The following SCARA5 variants were observed in gnomAD, a reference collection of about 807,000 sequenced individuals.
The protein encoded by SCARA5 is scavenger receptor class A member 5.
In SCARA5, 45 loss-of-function variants were observed where a neutral mutation model predicts 46.3. That is an observed-to-expected ratio of 0.97 (90% CI 0.76 to 1.24). SCARA5 has a LOEUF of 1.24. Among genes scored for constraint, SCARA5 ranks in the 50% most tolerant of loss-of-function variants. SCARA5 has a pLI of 0.00. For missense variants in SCARA5, 680 were observed against 689.0 expected, an observed-to-expected ratio of 0.99 and a Z score of 0.15; for synonymous variants, 333 against 306.5, an observed-to-expected ratio of 1.09 and a Z score of -0.90.
At chr8:27,941,532 CTCATT>C (rs1172657970) in intron 3 of SCARA5, among the ~76,000 whole-genome samples, 3 of 152,056 alleles carry the variant, frequency 2.0e-5, no homozygotes, top group African/African-American at 7.2e-5. Context: ...CAGATATTAT[CTCATT>C]TGAGAAAATC....
intron 7 of SCARA5, among the ~76,000 whole-genome samples, chr8:27,889,332 C>A (rs141136020): frequency 6.6e-6 from 1 of 152,204 alleles, no homozygotes; most frequent in Non-Finnish European, 1.5e-5. Flanking sequence ...ATTATGACAT[C>A]ATCTTTGGGC....
chr8:27,922,033 C>G lies in SCARA5; in HGVS notation c.454G>C (p.Ala152Pro). Residue 152 changes from alanine (A) to proline (P), a missense_variant, in exon 4 of 9, where the codon GCG becomes CCG. Transcript: ENST00000354914. ...GCCTGCGCCTGCAGCCCCCACAGCGCGCCCTCCAGCCGCTGCACTGCGCCC... is the reference window on the plus strand; with the variant it reads ...GCCTGCGCCTGCAGCCCCCACAGCGGGCCCTCCAGCCGCTGCACTGCGCCC... ...LAGAVQRLEGALWGLQAQAVQ... is the reference protein window; with the variant it reads ...LAGAVQRLEGPLWGLQAQAVQ... 1 of 1,573,024 alleles carries G rather than the reference C, an allele frequency of 6.4e-7. No individual in the cohort carries two copies. Among genetic ancestry groups the G allele is most frequent in the South Asian group, 1.2e-5 (1 of 86,588 alleles).
intron 3 of SCARA5, among the ~76,000 whole-genome samples, chr8:27,925,338 T>A (rs1397039823): frequency 2.0e-5 from 3 of 152,034 alleles, no homozygotes; most frequent in Admixed American, 6.6e-5. Flanking sequence ...ACACCACACA[T>A]CTACAATCAT....
At position 27,966,502 on chromosome 8, in the gene SCARA5, C is replaced by A. The variant is rs774732820; in HGVS notation, c.153G>T (p.Gln51His). The change falls in exon 3 of 9, where the codon CAG becomes CAT. Residue 51 changes from glutamine to histidine, a missense_variant. By Grantham distance (24) the Gln-to-His change is conservative. Around this residue, in one of 3 missense-constraint regions of SCARA5, gnomAD observed 438 missense variants for 384.5 expected, o/e 1.14. Transcript: ENST00000354914. ...HKRRASICCT[Q>H]LGSLSALKHA... ...GCTTCAGGGCCGACAGGGACCCCAG[C>A]TGGGTACAGCAGATGCTTGCCCGCC... The A allele has an allele frequency of 1.2e-6, 2 of 1,613,894 alleles. No individual in the cohort carries two copies. The highest frequency in any genetic ancestry group is 1.7e-6 in the Non-Finnish European group (2 of 1,179,902).
At chr8:27,948,958 A>G (rs1283339093) in intron 3 of SCARA5, among the ~76,000 whole-genome samples, 1 of 152,278 alleles carries the variant, frequency 6.6e-6, no homozygotes, top group African/African-American at 2.4e-5. Flanking sequence ...AAAAACCCAC[A>G]TGGCCAGGCT....
chr8:27,980,649 C>T (rs1012682801), intron 2 of SCARA5, among the ~76,000 whole-genome samples: 2 of 152,216 alleles, frequency 1.3e-5, no homozygotes, highest in Non-Finnish European at 2.9e-5. Context: ...AGCCTCTACC[C>T]TGAGACAAGG....
chr8:27,984,803 C>T (rs1306368516), intron 2 of SCARA5, among the ~76,000 whole-genome samples: 1 of 152,094 alleles, frequency 6.6e-6, no homozygotes, highest in African/African-American at 2.4e-5. Context: ...ACCCATTCAT[C>T]CATCCATTCA....
Position 27,872,041 on chromosome 8 carries a change from C to A in SCARA5, c.1381G>T (p.Ala461Ser). The change falls in exon 9 of 9, where the codon GCC becomes TCC. Residue 461 changes from alanine (A) to serine (S), a missense_variant. Ala to Ser is a moderately conservative substitution (Grantham distance 99). Transcript: ENST00000354914. ...ATGGTTTCCTCTGTGCCCTTGCAGG[C>A]AACGTCATCCATCCAGATCCTCCCA... Reference protein sequence around the residue: ...GTGRIWMDDVACKGTEETIFR... With the variant: ...GTGRIWMDDVSCKGTEETIFR... The A allele has an allele frequency of 6.2e-7, 1 of 1,614,216 alleles. No individual in the cohort carries two copies.
intron 3 of SCARA5, among the ~76,000 whole-genome samples, chr8:27,947,723 A>AAG (rs1808060606): frequency 6.6e-6 from 1 of 151,890 alleles, no homozygotes; most frequent in East Asian, 1.9e-4. Flanking sequence ...AAAAAAAAAA[A>AAG]AAAAAGTCAG....
Position 27,966,458 on chromosome 8 carries a change from T to C in SCARA5, c.197A>G (p.Tyr66Cys), listed in dbSNP as rs778549396. The change falls in exon 3 of 9, where the codon TAC becomes TGC. Residue 66 changes from tyrosine (Y) to cysteine (C), a missense_variant. Around this residue, in one of 3 missense-constraint regions of SCARA5, gnomAD observed 438 missense variants for 384.5 expected, o/e 1.14. Transcript: ENST00000354914. ...CACAAGAATCAGGAAGACCAGCAGG[T>C]AGAGCCCCAGGACAGCATGCTTCAG... ...SALKHAVLGL[Y>C]LLVFLILVGI... 1 of 1,613,474 alleles carries C rather than the reference T, an allele frequency of 6.2e-7. No individual in the cohort carries two copies. The highest frequency in any genetic ancestry group is 8.5e-7 in the Non-Finnish European group (1 of 1,179,818).
intron 7 of SCARA5, among the ~76,000 whole-genome samples, chr8:27,882,579 C>G (rs753915532): frequency 6.6e-5 from 10 of 152,178 alleles, no homozygotes; most frequent in Non-Finnish European, 1.2e-4. Context: ...TTTGGTCATT[C>G]ATGTTCACTT....
intron 7 of SCARA5, chr8:27,903,672 G>A (rs1335142698): frequency 6.6e-6 from 1 of 152,448 alleles, no homozygotes; most frequent in African/African-American, 2.4e-5. Context: ...CTAATTATTA[G>A]TGGTGCTGTA....
intron 3 of SCARA5, among the ~76,000 whole-genome samples, chr8:27,924,085 T>C (rs1447132103): frequency 2.0e-5 from 3 of 152,302 alleles, no homozygotes; most frequent in South Asian, 2.1e-4. Flanking sequence ...ATGCTACAAA[T>C]CCTGAGTGGG....
chr8:27,884,980 G>A (rs1355053005), intron 7 of SCARA5, among the ~76,000 whole-genome samples: 2 of 152,046 alleles, frequency 1.3e-5, no homozygotes, highest in Non-Finnish European at 2.9e-5. Context: ...TCTTGGACAA[G>A]TGGAGGAGGG....
intron 3 of SCARA5, among the ~76,000 whole-genome samples, chr8:27,965,082 G>A (rs907419057): frequency 2.6e-5 from 4 of 152,106 alleles, no homozygotes; most frequent in African/African-American, 9.7e-5. Flanking sequence ...TGAATAATGA[G>A]GTTCTCTCGT....
intron 8 of SCARA5, among the ~76,000 whole-genome samples, chr8:27,878,916 T>A (rs1806765379): frequency 6.6e-6 from 1 of 152,138 alleles, no homozygotes; most frequent in Non-Finnish European, 1.5e-5. Context: ...TAGTGAGACC[T>A]CATCTCTATT....
intron 2 of SCARA5, among the ~76,000 whole-genome samples, chr8:27,970,148 G>A (rs961832471): frequency 9.2e-5 from 14 of 152,094 alleles, no homozygotes; most frequent in African/African-American, 2.9e-4. Context: ...GCCATGTCAT[G>A]AGCGCCCACA....
chr8:27,881,778 A>G (rs1450073264), intron 7 of SCARA5, among the ~76,000 whole-genome samples: 1 of 150,282 alleles, frequency 6.7e-6, no homozygotes, highest in South Asian at 2.1e-4. Flanking sequence ...TCCCATATAC[A>G]ACACCCCTCC....
intron 2 of SCARA5, among the ~76,000 whole-genome samples, chr8:27,977,420 A>C (rs1808542471): frequency 6.6e-6 from 1 of 152,122 alleles, no homozygotes; most frequent in Non-Finnish European, 1.5e-5. Context: ...TGCATCTGCC[A>C]CCGGACTCCC....
Sources: gnomAD v4.1 joint callset for allele counts (sites outside exome capture counted in the v4.1 genomes callset) on GRCh38, gnomAD v4.1.1 for gene constraint, gnomAD v4.1.1 regional missense constraint, MANE v1.5 for transcripts, NCBI Gene and HGNC (gene_info 2026-07-23, HGNC 2026-07-21) for gene names.